The following ANKS1B variants were observed in gnomAD, a reference collection of about 807,000 sequenced individuals.
ANKS1B encodes the protein ankyrin repeat and sterile alpha motif domain containing 1B.
In ANKS1B, 36 loss-of-function variants were observed where a neutral mutation model predicts 148.3. The observed-to-expected ratio is 0.24, with a 90% confidence interval of 0.19 to 0.32. ANKS1B has a LOEUF of 0.32. Ranked by LOEUF, ANKS1B falls within the 10% of genes least tolerant of loss-of-function variation. ANKS1B has a pLI of 1.00. For missense variants in ANKS1B, 1,157 were observed against 1,542.6 expected (o/e 0.75, Z 4.19); for synonymous variants, 542 against 560.8 (o/e 0.97, Z 0.47).
rs550625061 is a variant in ANKS1B at position 99,195,850 on chromosome 12, T to C, written c.2420-41455A>G. On this transcript the variant is annotated intron_variant, in intron 14 of 26. Transcript: ENST00000683438. ...TTAAAAGAAAGATAAAGTAGAATTA[T>C]CGAGCATTTATTGAGAGGTGCAAAA... 3.9e-5 allele frequency among the ~76,000 whole-genome samples: 6 copies of C among 152,164 alleles called. No homozygotes were observed. The East Asian group carries it at 7.7e-4, about 20-fold the overall frequency.
intron 12 of ANKS1B, among the ~76,000 whole-genome samples, chr12:99,326,898 T>C (rs552590776): frequency 6.7e-6 from 1 of 148,822 alleles, no homozygotes; most frequent in Admixed American, 6.9e-5. Flanking sequence ...TTATGTATAT[T>C]TGATGCAGAT....
intron 17 of ANKS1B, among the ~76,000 whole-genome samples, chr12:98,910,398 A>C (rs557720344): frequency 9.2e-5 from 14 of 152,334 alleles, no homozygotes; most frequent in Admixed American, 9.2e-4. Flanking sequence ...CAAGGGAAGA[A>C]AATAGGACAG....
At chr12:99,670,953 T>C (rs1411142618) in intron 8 of ANKS1B, among the ~76,000 whole-genome samples, 1 of 152,102 alleles carries the variant, frequency 6.6e-6, no homozygotes, top group African/African-American at 2.4e-5. Flanking sequence ...TTAAAACAAG[T>C]TCAACATTAG....
At chr12:98,924,070 C>T (rs948325733) in intron 17 of ANKS1B, among the ~76,000 whole-genome samples, 1 of 152,136 alleles carries the variant, frequency 6.6e-6, no homozygotes, top group South Asian at 2.1e-4. Context: ...TCTATTTATG[C>T]CTAGATTCTT....
chr12:99,670,517 T>C (rs1310440220), intron 8 of ANKS1B, among the ~76,000 whole-genome samples: 1 of 152,104 alleles, frequency 6.6e-6, no homozygotes, highest in Non-Finnish European at 1.5e-5. Context: ...TTATTAAATA[T>C]TTATTGATTA....
At chr12:99,896,890 G>C (rs2093407047) in intron 1 of ANKS1B, among the ~76,000 whole-genome samples, 1 of 151,164 alleles carries the variant, frequency 6.6e-6, no homozygotes, top group South Asian at 2.1e-4. Context: ...CTGTTAACTA[G>C]GCAACCCCTG....
chr12:99,299,184 T>C (rs796276254), intron 12 of ANKS1B, among the ~76,000 whole-genome samples: 11 of 152,160 alleles, frequency 7.2e-5, no homozygotes, highest in African/African-American at 2.6e-4. Flanking sequence ...CTTCAGCCCT[T>C]CAAGTAGCTG....
At chr12:99,893,206 C>A (rs952687367) in intron 1 of ANKS1B, among the ~76,000 whole-genome samples, 2 of 151,910 alleles carry the variant, frequency 1.3e-5, no homozygotes, top group Admixed American at 6.6e-5. Flanking sequence ...GTCAGGAGAT[C>A]GAGACCATCC....
chr12:98,982,275 T>C (rs1029277212), intron 17 of ANKS1B, among the ~76,000 whole-genome samples: 6 of 151,534 alleles, frequency 4.0e-5, no homozygotes, highest in Non-Finnish European at 7.4e-5. Flanking sequence ...GATTCAGGAG[T>C]CTGGGGTGGG....
chr12:99,381,374 T>A (rs2093637413), intron 12 of ANKS1B, among the ~76,000 whole-genome samples: 1 of 152,212 alleles, frequency 6.6e-6, no homozygotes, highest in Non-Finnish European at 1.5e-5. Flanking sequence ...GTATGCGATT[T>A]GGCAATAAAG....
intron 7 of ANKS1B, among the ~76,000 whole-genome samples, chr12:99,774,478 G>C (rs187399076): frequency 3.9e-5 from 6 of 152,096 alleles, no homozygotes; most frequent in Admixed American, 2.0e-4. Context: ...AAAGACAAAA[G>C]ATAGGAGGTG....
At chr12:99,464,251 C>G (rs1311998276) in intron 10 of ANKS1B, among the ~76,000 whole-genome samples, 2 of 152,178 alleles carry the variant, frequency 1.3e-5, no homozygotes, top group African/African-American at 4.8e-5. Context: ...AGAGGGAAAA[C>G]TAACAAACAG....
intron 9 of ANKS1B, among the ~76,000 whole-genome samples, chr12:99,511,071 G>A (rs2096760986): frequency 6.6e-6 from 1 of 151,978 alleles, no homozygotes; most frequent in African/African-American, 2.4e-5. Flanking sequence ...TTGAATAGGA[G>A]TGGTGGAGAC....
chr12:98,746,575 C>T (rs574432808), intron 26 of ANKS1B, among the ~76,000 whole-genome samples: 68 of 152,190 alleles, frequency 4.5e-4, no homozygotes, highest in Non-Finnish European at 9.1e-4. Flanking sequence ...TACTTATTGC[C>T]GCTATGCGTC....
intron 12 of ANKS1B, among the ~76,000 whole-genome samples, chr12:99,365,241 G>A (rs992714093): frequency 6.6e-6 from 1 of 152,194 alleles, no homozygotes; most frequent in African/African-American, 2.4e-5. Context: ...CATTAACACA[G>A]AGGCCCAAAG....
chr12:99,858,945 C>T (rs559956835), intron 1 of ANKS1B, among the ~76,000 whole-genome samples: 15 of 152,032 alleles, frequency 9.9e-5, no homozygotes, highest in East Asian at 5.8e-4. Context: ...GTGGTGGGTG[C>T]GCCAAAATCT....
At chr12:99,201,423 T>C (rs146519949) in intron 14 of ANKS1B, among the ~76,000 whole-genome samples, 3 of 152,304 alleles carry the variant, frequency 2.0e-5, no homozygotes, top group African/African-American at 7.2e-5. Flanking sequence ...TGAAAATGAT[T>C]ACTAAGGAAC....
intron 8 of ANKS1B, among the ~76,000 whole-genome samples, chr12:99,694,691 T>C (rs1288990553): frequency 6.6e-6 from 1 of 152,184 alleles, no homozygotes; most frequent in Non-Finnish European, 1.5e-5. Flanking sequence ...AAGACTAAAA[T>C]TGTAAAGAGT....
intron 10 of ANKS1B, among the ~76,000 whole-genome samples, chr12:99,446,779 T>C (rs1317893906): frequency 2.0e-5 from 3 of 151,872 alleles, no homozygotes. Flanking sequence ...AAATAAATAA[T>C]AAAAACAACA....
Sources: gnomAD v4.1 joint callset for allele counts (sites outside exome capture counted in the v4.1 genomes callset) on GRCh38, gnomAD v4.1.1 for gene constraint, MANE v1.5 for transcripts, NCBI Gene and HGNC (gene_info 2026-07-23, HGNC 2026-07-21) for gene names.